Variants in DAB1 observed in about 807,000 individuals in gnomAD.
DAB1 encodes disabled homolog 1.
DAB1 carries 15 observed loss-of-function variants against 64.6 expected under a neutral mutation model. The ratio of observed to expected loss-of-function variants is 0.23; its 90% CI spans 0.16 to 0.36. DAB1 has a LOEUF of 0.36. DAB1 is among the 10% of genes least tolerant of loss of function. DAB1 has a pLI of 1.00. For synonymous variants in DAB1, 235 were observed against 251.9 expected, an observed-to-expected ratio of 0.93 and a Z score of 0.64; for missense variants, 596 against 706.7, an observed-to-expected ratio of 0.84 and a Z score of 1.78.
At chr1:57,676,206 A>T (rs1465905758) in intron 6 of DAB1, among the ~76,000 whole-genome samples, 1 of 152,204 alleles carries the variant, frequency 6.6e-6, no homozygotes, top group Non-Finnish European at 1.5e-5. Flanking sequence ...AGCTGTTCTG[A>T]TGCAAGTGCC....
At chr1:57,463,988 C>T (rs1183876489) in intron 7 of DAB1, among the ~76,000 whole-genome samples, 1 of 152,084 alleles carries the variant, frequency 6.6e-6, no homozygotes, top group Non-Finnish European at 1.5e-5. Context: ...CAAAGAGGGC[C>T]TGGTGTATGA....
intron 7 of DAB1, among the ~76,000 whole-genome samples, chr1:57,556,054 A>T (rs1644984418): frequency 6.6e-6 from 1 of 152,184 alleles, no homozygotes; most frequent in Non-Finnish European, 1.5e-5. Flanking sequence ...ACACAAATTG[A>T]GAAGGAATTA....
intron 2 of DAB1, among the ~76,000 whole-genome samples, chr1:57,170,499 A>C (rs1661642561): frequency 6.6e-6 from 1 of 152,172 alleles, no homozygotes; most frequent in Non-Finnish European, 1.5e-5. Context: ...TCACAAACAC[A>C]TTGCAAATAA....
intron 1 of DAB1, among the ~76,000 whole-genome samples, chr1:57,419,563 T>A (rs551863635): frequency 6.6e-6 from 1 of 151,614 alleles, no homozygotes; most frequent in East Asian, 1.9e-4. Flanking sequence ...GACCAGATAC[T>A]ATTGGGATAC....
chr1:58,134,141 A>G (rs562066649), intron 5 of DAB1, among the ~76,000 whole-genome samples: 1 of 152,330 alleles, frequency 6.6e-6, no homozygotes, highest in African/African-American at 2.4e-5. Context: ...TGGGTAATTT[A>G]TAAATAATAG....
chr1:58,429,636 TAGAG>T (rs1302069130), intron 3 of DAB1, among the ~76,000 whole-genome samples: 1 of 151,634 alleles, frequency 6.6e-6, no homozygotes, highest in African/African-American at 2.4e-5. Flanking sequence ...AGTTTATAGA[TAGAG>T]AGAGAGAAAG....
At chr1:57,211,662 C>T (rs997753394) in intron 2 of DAB1, among the ~76,000 whole-genome samples, 1 of 152,150 alleles carries the variant, frequency 6.6e-6, no homozygotes, top group African/African-American at 2.4e-5. Context: ...AAGGGCTACA[C>T]AAAGTTAAGA....
intron 3 of DAB1, among the ~76,000 whole-genome samples, chr1:58,451,447 A>C (rs1305216815): frequency 1.3e-5 from 2 of 152,176 alleles, no homozygotes; most frequent in African/African-American, 4.8e-5. Context: ...CCTAGAGGAG[A>C]AAAAAGTCTT....
At chr1:57,925,266 C>T (rs571575833) in intron 5 of DAB1, among the ~76,000 whole-genome samples, 1 of 152,254 alleles carries the variant, frequency 6.6e-6, no homozygotes, top group Non-Finnish European at 1.5e-5. Context: ...TTGTTCAGAC[C>T]TCTGGGGTAA....
At chr1:57,381,734 A>ACAAT (rs1224812394) in intron 1 of DAB1, among the ~76,000 whole-genome samples, 1 of 152,212 alleles carries the variant, frequency 6.6e-6, no homozygotes, top group Non-Finnish European at 1.5e-5. Flanking sequence ...TGGTGTCTGT[A>ACAAT]CAATCAATTC....
intron 7 of DAB1, among the ~76,000 whole-genome samples, chr1:57,613,447 T>G (rs776495872): frequency 6.6e-6 from 1 of 152,092 alleles, no homozygotes; most frequent in South Asian, 2.1e-4. Flanking sequence ...GTGCACCCCA[T>G]GTATAAAAGC....
At chr1:58,116,974 G>A (rs181838619) in intron 5 of DAB1, among the ~76,000 whole-genome samples, 73 of 152,286 alleles carry the variant, frequency 4.8e-4, no homozygotes, top group Middle Eastern at 3.4e-3. Context: ...TTGTCTTTGC[G>A]AGTGGACTTC....
At chr1:57,122,080 C>T (rs543987860) in intron 4 of DAB1, among the ~76,000 whole-genome samples, 1 of 152,174 alleles carries the variant, frequency 6.6e-6, no homozygotes, top group Non-Finnish European at 1.5e-5. Context: ...ATATCATCTG[C>T]TTACTTAATG....
chr1:57,144,552 G>T (rs768932748), intron 3 of DAB1, among the ~76,000 whole-genome samples: 3 of 151,952 alleles, frequency 2.0e-5, no homozygotes. Flanking sequence ...AAATTAGCCA[G>T]GCCTGGTAGT....
In DAB1 at chr1:57,206,245, G is replaced by A. The variant is rs149550011; in HGVS notation, c.68-60816C>T. Among the ~76,000 whole-genome samples the A allele has an allele frequency of 7.0e-4, 107 of 152,256 alleles. No homozygotes were observed. The East Asian group carries it at 0.013, about 19-fold the overall frequency. ...GGAGGCAGGGAGAAAAGGAGGGAGA[G>A]GGATAGGGAAGAATGCTTAGTAAGG... On this transcript the variant is annotated intron_variant, in intron 2 of 14. Transcript: ENST00000371236.
intron 1 of DAB1, among the ~76,000 whole-genome samples, chr1:57,883,047 G>A (rs1354894034): frequency 1.3e-5 from 2 of 152,144 alleles, no homozygotes; most frequent in Non-Finnish European, 2.9e-5. Context: ...TTTGATCTGT[G>A]AACTTCCATT....
At chr1:58,374,419 C>T (rs1277614535) in intron 3 of DAB1, among the ~76,000 whole-genome samples, 3 of 148,248 alleles carry the variant, frequency 2.0e-5, no homozygotes, top group Non-Finnish European at 4.5e-5. Context: ...TTTCCCAGCA[C>T]CATTTATTAA....
At chr1:57,651,066 C>A (rs1177062174) in intron 6 of DAB1, among the ~76,000 whole-genome samples, 3 of 150,300 alleles carry the variant, frequency 2.0e-5, no homozygotes, top group African/African-American at 4.9e-5. Flanking sequence ...TAATCAGTGA[C>A]AATAAAAAGT....
intron 3 of DAB1, among the ~76,000 whole-genome samples, chr1:58,420,459 T>C (rs1481523163): frequency 2.0e-5 from 3 of 152,182 alleles, no homozygotes; most frequent in Non-Finnish European, 2.9e-5. Flanking sequence ...AGGTAAATAT[T>C]GTGCATGTAT....
Sources: allele counts gnomAD v4.1 joint callset (sites outside exome capture counted in the v4.1 genomes callset), GRCh38; gene constraint gnomAD v4.1.1; transcripts MANE v1.5; gene names NCBI Gene and HGNC (gene_info 2026-07-23, HGNC 2026-07-21).